The following EBI3 variants were observed in gnomAD, a reference collection of about 807,000 sequenced individuals.
EBI3 encodes the protein Epstein-Barr virus induced 3, also known as interleukin-27 subunit beta.
EBI3 carries 19 observed loss-of-function variants against 21.3 expected under a neutral mutation model. The ratio of observed to expected loss-of-function variants is 0.89; its 90% CI spans 0.62 to 1.31. The LOEUF (loss-of-function observed/expected upper bound fraction) is 1.31, where lower values mean the gene tolerates loss of function less well. Among genes scored for constraint, EBI3 ranks in the 50% most tolerant of loss-of-function variants. EBI3 has a pLI of 0.00. For missense variants in EBI3, 331 were observed against 314.0 expected (o/e 1.05, Z -0.41); for synonymous variants, 154 against 131.2 (o/e 1.17, Z -1.19).
Position 4,234,748 on chromosome 19 carries a change from C to G in EBI3, c.461C>G (p.Ser154Cys). 6.2e-7 allele frequency: 1 copy of G among 1,614,106 alleles called. No homozygotes were observed. The highest frequency in any genetic ancestry group is 1.1e-5 in the South Asian group (1 of 91,080). ...CAGGTGCAGTGGGAGCCTCCCGGGT[C>G]CTGGCCCTTCCCAGAGATCTTCTCA... ...QLQVQWEPPG[S>C]WPFPEIFSLK... Residue 154 changes from serine (S) to cysteine (C), a missense_variant, in exon 4 of 5, where the codon TCC (serine) becomes TGC (cysteine). Transcript: ENST00000221847.
intron 1 of EBI3, among the ~76,000 whole-genome samples, chr19:4,230,624 C>T (rs989877155): frequency 4.6e-5 from 7 of 151,886 alleles, no homozygotes; most frequent in Non-Finnish European, 7.4e-5. Context: ...TGGCTCACGC[C>T]TGTAATTCCA....
At position 4,230,777 on chromosome 19, in the gene EBI3, G is replaced by A. The variant is rs1049185400; in HGVS notation, c.68-414G>A. Among the ~76,000 whole-genome samples the A allele has an allele frequency of 5.3e-5, 8 of 151,832 alleles. No homozygotes were observed. In the East Asian group the frequency reaches 7.7e-4, roughly 15 times the overall value. On this transcript the variant is annotated intron_variant, in intron 1 of 4. Coordinates refer to ENST00000221847, the MANE Select transcript of EBI3 (RefSeq NM_005755.3). ...TACATGCCTGTAATCCCAGCTACTC[G>A]GGAGGCTAAGAATCGCTTGAACCCG...
intron 4 of EBI3, among the ~76,000 whole-genome samples, chr19:4,235,586 G>A (rs1970830650): frequency 6.6e-6 from 1 of 152,214 alleles, no homozygotes; most frequent in Non-Finnish European, 1.5e-5. Context: ...CAAAGTGTTG[G>A]GACTACAGGT....
At position 4,237,010 on chromosome 19, in the gene EBI3, G is replaced by A. The variant is rs139315403; in HGVS notation, c.612G>A (p.Ala204=). 583 of 1,581,960 alleles carry A rather than the reference G, an allele frequency of 3.7e-4. No homozygotes were observed. Among genetic ancestry groups the A allele is most frequent in the African/African-American group, 2.4e-3 (176 of 72,952 alleles). The change falls in exon 5 of 5, where the codon GCG becomes GCA. Residue 204 remains alanine (A), a synonymous_variant. Transcript: ENST00000221847. ...RPRARYYVQV[A]AQDLTDYGEL... ...GAGCCAGGTACTACGTCCAAGTGGC[G>A]GCTCAGGACCTCACAGACTACGGGG...
chr19:4,237,217 C>T lies in EBI3; in HGVS notation c.*129C>T. 1 of 1,182,640 alleles carries T rather than the reference C, an allele frequency of 8.5e-7. No homozygotes were observed. The highest frequency in any genetic ancestry group is 1.1e-6 in the Non-Finnish European group (1 of 901,352). The allele number at this position is 1,182,640 out of a possible 1,614,324, so 73.3% of individuals were successfully genotyped here. A position where few individuals can be genotyped will look rare whatever the true frequency, so the allele number is the denominator to read the frequency against. ...TCCTTGCTTTGCTGCTGCTGAGCTGCCGGGCAACCTCAGATGACCGACTTT... is the reference window on the plus strand; with the variant it reads ...TCCTTGCTTTGCTGCTGCTGAGCTGTCGGGCAACCTCAGATGACCGACTTT... On this transcript the variant is annotated 3_prime_UTR_variant, in exon 5 of 5. Transcript: ENST00000221847.
chr19:4,232,989 C>G lies in EBI3; in HGVS notation c.201-140C>G, dbSNP rs1386327717. 2.9e-6 allele frequency: 3 copies of G among 1,022,544 alleles called. No homozygotes were observed. The Admixed American group carries it at 1.0e-4, about 35-fold the overall frequency. The allele number at this position is 1,022,544 out of a possible 1,614,324, so 63.3% of individuals were successfully genotyped here. On this transcript the variant is annotated intron_variant, in intron 2 of 4. Coordinates refer to ENST00000221847, the MANE Select transcript of EBI3 (RefSeq NM_005755.3). ...CCCCGGGGGGTGGCACGGCCACCACCAGGACCCCACCCCGGGATCCCCATC... is the reference window on the plus strand; with the variant it reads ...CCCCGGGGGGTGGCACGGCCACCACGAGGACCCCACCCCGGGATCCCCATC...
chr19:4,232,222 C>CAAAAAAAA (rs71166979), intron 2 of EBI3, among the ~76,000 whole-genome samples: 4 of 57,816 alleles, frequency 6.9e-5, no homozygotes, highest in Non-Finnish European at 1.1e-4. Context: ...GACCCCGTCT[C>CAAAAAAAA]AAAAAAAAAA....
At chr19:4,236,831 C>G (rs1970842606) in intron 4 of EBI3, 105 bp from the exon 5 acceptor site, 1 of 1,305,334 alleles carries the variant, frequency 7.7e-7, no homozygotes, top group Non-Finnish European at 1.0e-6. Flanking sequence ...TGGACTGGAG[C>G]CTGCAGGGGG....
chr19:4,229,757 T>TG, intron 1 of EBI3, 140 bp downstream of exon 1: 1 of 871,122 alleles, frequency 1.1e-6, no homozygotes, highest in Non-Finnish European at 1.7e-6. Flanking sequence ...ATTGTACAGA[T>TG]GGAGGAACTG....
chr19:4,234,076 G>C (rs560495848), intron 3 of EBI3, among the ~76,000 whole-genome samples: 1 of 152,136 alleles, frequency 6.6e-6, no homozygotes, highest in Admixed American at 6.6e-5. Context: ...CATAGTGGCA[G>C]GTGCCTGTAA....
In EBI3 at chr19:4,229,681, C is replaced by T. The variant is rs537769943; in HGVS notation, c.67+64C>T. 1.1e-5 allele frequency: 16 copies of T among 1,500,056 alleles called. No homozygotes were observed. The African/African-American group carries it at 1.4e-4, about 13-fold the overall frequency. 92.9% of individuals were successfully genotyped at this position (1,500,056 alleles called of 1,614,324 possible). ...ACGGACATGACACGAGGACTGGCCT[C>T]GGATCATGTCTGGGGTGGGAAATCA... On this transcript the variant is annotated intron_variant, in intron 1 of 4. Coordinates refer to ENST00000221847, the MANE Select transcript of EBI3 (RefSeq NM_005755.3).
chr19:4,232,118 G>A (rs376073271), intron 2 of EBI3, among the ~76,000 whole-genome samples: 9 of 149,308 alleles, frequency 6.0e-5, no homozygotes, highest in East Asian at 4.0e-4. Context: ...CCAGCTACTC[G>A]GGAGGCTGAG....
chr19:4,231,397 C>G (rs1970781313), intron 2 of EBI3, 74 bp downstream of exon 2: 1 of 1,478,146 alleles, frequency 6.8e-7, no homozygotes, highest in Non-Finnish European at 8.9e-7. Flanking sequence ...CCTGAGAGCC[C>G]TGGGGTCAGG....
rs1970845448 is a variant in EBI3 at position 4,237,017 on chromosome 19, G to C, written c.619G>C (p.Asp207His). 1 of 1,582,252 alleles carries C rather than the reference G, an allele frequency of 6.3e-7. No individual in the cohort carries two copies. Among genetic ancestry groups the C allele is most frequent in the Non-Finnish European group, 8.6e-7 (1 of 1,161,776 alleles). Reference protein sequence around the residue: ...ARYYVQVAAQDLTDYGELSDW... With the variant: ...ARYYVQVAAQHLTDYGELSDW... ...GTACTACGTCCAAGTGGCGGCTCAG[G>C]ACCTCACAGACTACGGGGAACTGAG... The change falls in exon 5 of 5, where the codon GAC becomes CAC. Residue 207 changes from aspartate (D) to histidine (H), a missense_variant. Asp to His is a moderately conservative substitution (Grantham distance 81, BLOSUM62 -1). Transcript: ENST00000221847.
At chr19:4,235,652 G>A (rs2144677986) in intron 4 of EBI3, among the ~76,000 whole-genome samples, 1 of 152,344 alleles carries the variant, frequency 6.6e-6, no homozygotes, top group South Asian at 2.1e-4. Context: ...TTCTGGCTGG[G>A]CAGGGTGGCT....
At position 4,233,602 on chromosome 19, in the gene EBI3, T is replaced by A. The variant is rs149842771; in HGVS notation, c.379+295T>A. 5.5e-3 allele frequency among the ~76,000 whole-genome samples: 835 copies of A among 151,484 alleles called. 7 individuals carry two copies. Among genetic ancestry groups the A allele is most frequent in the African/African-American group, 0.019 (798 of 41,266 alleles). ...CCCTCTGCCTACAGCCCTCCATGGC[T>A]CCCACCTGCCTTGGGGTCAAAGCCC... On this transcript the variant is annotated intron_variant, in intron 3 of 4. Coordinates refer to ENST00000221847, the MANE Select transcript of EBI3 (RefSeq NM_005755.3).
chr19:4,232,888 C>G (rs1970802036), intron 2 of EBI3: 1 of 433,884 alleles, frequency 2.3e-6, no homozygotes, highest in Admixed American at 4.3e-5. Context: ...GAATCCCGGA[C>G]CCTAGCATCT....
chr19:4,229,640 T>C, intron 1 of EBI3, 23 bp downstream of exon 1: 3 of 1,588,738 alleles, frequency 1.9e-6, no homozygotes, highest in Non-Finnish European at 2.6e-6. Context: ...CCTGGGGGAC[T>C]GGGGGGCCCA....
chr19:4,235,442 C>G (rs1048822359), intron 4 of EBI3, among the ~76,000 whole-genome samples: 3 of 151,320 alleles, frequency 2.0e-5, no homozygotes, highest in African/African-American at 7.4e-5. Context: ...GCCTCAGCCT[C>G]CTGAATAGCT....
Sources: gnomAD v4.1 joint callset for allele counts (sites outside exome capture counted in the v4.1 genomes callset) on GRCh38, gnomAD v4.1.1 for gene constraint, MANE v1.5 for transcripts, NCBI Gene and HGNC (gene_info 2026-07-23, HGNC 2026-07-21) for gene names.